Variants in DNAH6 observed in about 807,000 individuals in gnomAD.
The protein encoded by DNAH6 is axonemal beta dynein heavy chain 6.
Under a neutral mutation model 491.4 loss-of-function variants are expected in DNAH6, and 340 were observed. That is an observed-to-expected ratio of 0.69 (90% CI 0.63 to 0.76). The LOEUF (loss-of-function observed/expected upper bound fraction) is 0.76, where lower values mean the gene tolerates loss of function less well. Ranked by LOEUF, DNAH6 falls within the 30% of genes least tolerant of loss-of-function variation. The probability of loss-of-function intolerance (pLI) is 0.00; values close to 1 mark genes in which losing one functional copy is unlikely to be tolerated. For missense variants in DNAH6, 4,443 were observed against 4,972.2 expected, an observed-to-expected ratio of 0.89 and a Z score of 3.20; for synonymous variants, 1,603 against 1,686.1, an observed-to-expected ratio of 0.95 and a Z score of 1.21.
At chr2:84,753,130 C>T (rs1673629638) in intron 63 of DNAH6, among the ~76,000 whole-genome samples, 1 of 152,164 alleles carries the variant, frequency 6.6e-6, no homozygotes, top group Non-Finnish European at 1.5e-5. Context: ...CTTTGATTTG[C>T]ATTTCCCTAA....
intron 4 of DNAH6, among the ~76,000 whole-genome samples, chr2:84,541,018 T>C (rs1203945845): frequency 1.3e-5 from 2 of 152,214 alleles, no homozygotes; most frequent in Non-Finnish European, 2.9e-5. Flanking sequence ...AAAAGTTTTC[T>C]TTTTGTTTCT....
rs1175133066 is a variant in DNAH6, at chr2:84,744,825, C to A, written c.10343-255C>A. 5.3e-5 allele frequency among the ~76,000 whole-genome samples: 8 copies of A among 152,074 alleles called. No individual in the cohort carries two copies. The East Asian group carries it at 1.5e-3, about 29-fold the overall frequency. On this transcript the variant is annotated intron_variant, in intron 62 of 76. Transcript: ENST00000389394. ...CATTTGCTTAAGTATCTCTATGCAT[C>A]CTTTTATTTTTAACCTTCCTAATAT...
At chr2:84,534,235 C>T (rs572928675) in intron 4 of DNAH6, among the ~76,000 whole-genome samples, 2 of 152,030 alleles carry the variant, frequency 1.3e-5, no homozygotes, top group Admixed American at 6.6e-5. Context: ...CCCAGTGTGC[C>T]CTAGTTGTTT....
At chr2:84,769,149 C>A (rs1675371864) in intron 64 of DNAH6, among the ~76,000 whole-genome samples, 1 of 152,190 alleles carries the variant, frequency 6.6e-6, no homozygotes. Context: ...AGCTGCTGAC[C>A]CTGTAAGGGA....
At chr2:84,686,642 C>T in intron 44 of DNAH6, 85 bp downstream of exon 44, 1 of 880,510 alleles carries the variant, frequency 1.1e-6, no homozygotes, top group Non-Finnish European at 1.7e-6. Flanking sequence ...TCTATAAAAA[C>T]TTTACATGTG....
At chr2:84,581,482 C>T (rs915621278) in intron 14 of DNAH6, among the ~76,000 whole-genome samples, 2 of 152,130 alleles carry the variant, frequency 1.3e-5, no homozygotes, top group Non-Finnish European at 1.5e-5. Context: ...ATACAAAGAG[C>T]ATAGGAATAA....
chr2:84,623,018 A>G (rs192134960), intron 26 of DNAH6, among the ~76,000 whole-genome samples: 109 of 152,186 alleles, frequency 7.2e-4, no homozygotes, highest in African/African-American at 2.5e-3. Flanking sequence ...TCAAGTTTTA[A>G]TTGGGTTATT....
chr2:84,817,606 T>TTA (rs990140045), intron 76 of DNAH6, among the ~76,000 whole-genome samples: 9 of 146,078 alleles, frequency 6.2e-5, no homozygotes, highest in African/African-American at 2.2e-4. Context: ...CCATCTCAAT[T>TTA]AAAAAAAAAA....
At chr2:84,512,969 A>G (rs1431605219), upstream of DNAH6, among the ~76,000 whole-genome samples, 1 of 152,088 alleles carries the variant, frequency 6.6e-6, no homozygotes, top group African/African-American at 2.4e-5. Flanking sequence ...TTTCCATTTA[A>G]TGTAATTACT....
chr2:84,568,709 C>T lies in DNAH6; in HGVS notation c.1804-4758C>T, dbSNP rs545894246. Among the ~76,000 whole-genome samples the T allele has an allele frequency of 2.0e-4, 30 of 152,078 alleles. No homozygotes were observed. In the South Asian group the frequency reaches 6.0e-3, roughly 31 times the overall value. ...TGCACATCCTATCCTGCACATGCAT[C>T]CTGGAACTTAAAATTTAATTTAATT... is the stretch of plus-strand genomic sequence containing the variant. On this transcript the variant is annotated intron_variant, in intron 11 of 76. Coordinates refer to ENST00000389394, the MANE Select transcript of DNAH6 (RefSeq NM_001370.2).
At chr2:84,495,854 G>A in the DNAH6 span, among the ~76,000 whole-genome samples, 3 of 152,198 alleles carry the variant, frequency 2.0e-5, no homozygotes, top group African/African-American at 7.2e-5. Context: ...TCTTTGAGAG[G>A]TGATTGGTCA....
chr2:84,593,669 C>T (rs532306492), intron 16 of DNAH6, among the ~76,000 whole-genome samples: 1 of 152,202 alleles, frequency 6.6e-6, no homozygotes, highest in Admixed American at 6.5e-5. Context: ...TGTGCATGTA[C>T]AATCCAACTC....
At chr2:84,786,101 A>AGAAAGAATGAATGAATGAAT (rs1553498926) in intron 67 of DNAH6, among the ~76,000 whole-genome samples, 4 of 150,246 alleles carry the variant, frequency 2.7e-5, no homozygotes, top group African/African-American at 7.4e-5. Context: ...AGAGAAAGAA[A>AGAAAGAATGAATGAATGAAT]GAATGAATGA....
rs371879653 is a variant in DNAH6, at chr2:84,813,135, C to G, written c.11998+5C>G. The G allele has an allele frequency of 1.2e-4, 184 of 1,549,732 alleles. 1 individual carries two copies. The African/African-American group carries it at 2.3e-3, about 19-fold the overall frequency. ...TTCCTCAAGGATTTCTAACAGGTAC[C>G]AGCGCTTTCTAGAAAAACCCCATAG... On this transcript the variant is annotated splice_donor_5th_base_variant and intron_variant, in intron 74 of 76. Coordinates refer to ENST00000389394, the MANE Select transcript of DNAH6 (RefSeq NM_001370.2).
chr2:84,545,878 C>CT (rs1678732020), intron 5 of DNAH6, among the ~76,000 whole-genome samples: 1 of 152,104 alleles, frequency 6.6e-6, no homozygotes, highest in Non-Finnish European at 1.5e-5. Context: ...TGTTGGCACC[C>CT]GTGCCTATGT....
intron 18 of DNAH6, among the ~76,000 whole-genome samples, chr2:84,601,007 A>T (rs1236422591): frequency 6.1e-5 from 8 of 131,324 alleles, no homozygotes; most frequent in African/African-American, 3.0e-4. Context: ...AATATACTAT[A>T]ATAATATTAT....
Position 84,636,876 on chromosome 2 carries a change from T to C in DNAH6, c.4654-334T>C, listed in dbSNP as rs576774850. Among the ~76,000 whole-genome samples the C allele has an allele frequency of 4.0e-5, 6 of 149,414 alleles. No homozygotes were observed. The East Asian group carries it at 7.8e-4, about 19-fold the overall frequency. On this transcript the variant is annotated intron_variant, in intron 30 of 76. Transcript: ENST00000389394. Reference sequence around the variant, plus strand: ...GCCACTTGCACCCCAACCTGGGAGATAAAGCAAGACCCTGTCTCAAAAAAA... The same window carrying C: ...GCCACTTGCACCCCAACCTGGGAGACAAAGCAAGACCCTGTCTCAAAAAAA...
chr2:84,590,023 G>T (rs1450760833), intron 16 of DNAH6, among the ~76,000 whole-genome samples: 1 of 151,980 alleles, frequency 6.6e-6, no homozygotes, highest in East Asian at 1.9e-4. Flanking sequence ...TCTACTCCAG[G>T]GTCCAGGGAT....
chr2:84,745,797 G>A (rs891399793), intron 63 of DNAH6, among the ~76,000 whole-genome samples: 10 of 152,114 alleles, frequency 6.6e-5, no homozygotes, highest in African/African-American at 2.2e-4. Flanking sequence ...TTAGAGTACC[G>A]TGCTCTCTGC....
Sources: allele counts gnomAD v4.1 joint callset (sites outside exome capture counted in the v4.1 genomes callset), GRCh38; gene constraint gnomAD v4.1.1; transcripts MANE v1.5; gene names NCBI Gene and HGNC (gene_info 2026-07-23, HGNC 2026-07-21).